ZNF804B: variants seen among roughly 807,000 people sequenced by gnomAD.
ZNF804B encodes the protein zinc finger 804B.
In ZNF804B, 80 loss-of-function variants were observed where a neutral mutation model predicts 101.4. That is an observed-to-expected ratio of 0.79 (90% CI 0.66 to 0.95). ZNF804B has a LOEUF of 0.95. Ranked by LOEUF, ZNF804B falls within the 40% of genes least tolerant of loss-of-function variation. The probability of loss-of-function intolerance (pLI) is 0.00; values close to 1 mark genes in which losing one functional copy is unlikely to be tolerated. For missense variants in ZNF804B, 1,673 were observed against 1,561.9 expected (o/e 1.07, Z -1.20); for synonymous variants, 622 against 558.8 (o/e 1.11, Z -1.59).
At chr7:89,198,058 A>G (rs893299933) in intron 1 of ZNF804B, among the ~76,000 whole-genome samples, 1 of 151,908 alleles carries the variant, frequency 6.6e-6, no homozygotes, top group South Asian at 2.1e-4. Flanking sequence ...AATGAACAAT[A>G]GGATTAGCAA....
intron 1 of ZNF804B, among the ~76,000 whole-genome samples, chr7:88,982,443 C>T (rs569936125): frequency 3.3e-5 from 5 of 152,012 alleles, no homozygotes; most frequent in African/African-American, 4.8e-5. Flanking sequence ...TTTATTTTCT[C>T]AATGCTTCTT....
intron 1 of ZNF804B, among the ~76,000 whole-genome samples, chr7:89,206,535 T>C (rs528988750): frequency 6.6e-6 from 1 of 152,244 alleles, no homozygotes; most frequent in African/African-American, 2.4e-5. Flanking sequence ...GTGGATCACC[T>C]GAGGTCAGGA....
intron 2 of ZNF804B, among the ~76,000 whole-genome samples, chr7:89,228,849 A>C (rs990779476): frequency 6.6e-6 from 1 of 152,110 alleles, no homozygotes; most frequent in Non-Finnish European, 1.5e-5. Flanking sequence ...CCGGCGGCAC[A>C]GGGGCGCACG....
At chr7:88,785,600 G>A (rs535306162) in intron 1 of ZNF804B, among the ~76,000 whole-genome samples, 26 of 151,966 alleles carry the variant, frequency 1.7e-4, no homozygotes, top group African/African-American at 5.8e-4. Context: ...TCTTTATTCC[G>A]CTTTAAATGT....
intron 2 of ZNF804B, among the ~76,000 whole-genome samples, chr7:89,253,779 G>A (rs1016608225): frequency 2.6e-5 from 4 of 151,900 alleles, no homozygotes; most frequent in African/African-American, 4.8e-5. Context: ...TAGTAAATAC[G>A]TTATTTGCAT....
chr7:89,070,927 G>A (rs1049629275), intron 1 of ZNF804B, among the ~76,000 whole-genome samples: 20 of 152,084 alleles, frequency 1.3e-4, no homozygotes, highest in African/African-American at 4.3e-4. Flanking sequence ...TCATCCCCCA[G>A]TATCAATGGA....
At chr7:89,155,497 T>A (rs1434996213) in intron 1 of ZNF804B, among the ~76,000 whole-genome samples, 1 of 152,156 alleles carries the variant, frequency 6.6e-6, no homozygotes. Flanking sequence ...AAACCTTATA[T>A]CCTCAGATCT....
intron 2 of ZNF804B, among the ~76,000 whole-genome samples, chr7:89,270,276 C>T (rs1475775555): frequency 6.6e-6 from 1 of 152,156 alleles, no homozygotes; most frequent in Non-Finnish European, 1.5e-5. Flanking sequence ...TTTCAGCTTC[C>T]TACATATGGC....
intron 2 of ZNF804B, among the ~76,000 whole-genome samples, chr7:89,267,931 C>T (rs1789825399): frequency 6.6e-6 from 1 of 152,036 alleles, no homozygotes; most frequent in Non-Finnish European, 1.5e-5. Flanking sequence ...ACAGATTGCA[C>T]TTTAGGATAA....
chr7:89,183,159 A>G (rs1474033579), intron 1 of ZNF804B, among the ~76,000 whole-genome samples: 1 of 152,158 alleles, frequency 6.6e-6, no homozygotes, highest in African/African-American at 2.4e-5. Context: ...TTCCTGGAAG[A>G]AGAGTTAGAA....
At chr7:88,903,781 G>C (rs868296449) in intron 1 of ZNF804B, among the ~76,000 whole-genome samples, 6 of 151,844 alleles carry the variant, frequency 4.0e-5, no homozygotes, top group Admixed American at 3.9e-4. Context: ...CATGCCCTTC[G>C]CCCTTTTTTA....
At chr7:88,865,313 C>A (rs1307805280) in intron 1 of ZNF804B, among the ~76,000 whole-genome samples, 1 of 151,580 alleles carries the variant, frequency 6.6e-6, no homozygotes, top group African/African-American at 2.4e-5. Flanking sequence ...AGGAGGATCA[C>A]TTGGGCCTAG....
intron 2 of ZNF804B, among the ~76,000 whole-genome samples, chr7:89,316,761 C>T (rs1292733542): frequency 6.6e-6 from 1 of 152,152 alleles, no homozygotes; most frequent in African/African-American, 2.4e-5. Flanking sequence ...TGCACTCATC[C>T]ACACAACCCA....
intron 2 of ZNF804B, among the ~76,000 whole-genome samples, chr7:89,289,255 A>T (rs1790251637): frequency 6.6e-6 from 1 of 152,142 alleles, no homozygotes; most frequent in Non-Finnish European, 1.5e-5. Flanking sequence ...CGTTAAATAT[A>T]ATGGAGGAGG....
chr7:89,094,273 T>G (rs1789938475), intron 1 of ZNF804B, among the ~76,000 whole-genome samples: 1 of 152,240 alleles, frequency 6.6e-6, no homozygotes, highest in Non-Finnish European at 1.5e-5. Flanking sequence ...ATTATCTCCC[T>G]TCTTCTGAAT....
chr7:89,276,372 A>G (rs149211904), intron 2 of ZNF804B, among the ~76,000 whole-genome samples: 58 of 152,010 alleles, frequency 3.8e-4, no homozygotes, highest in Middle Eastern at 3.4e-3. Flanking sequence ...GACCCCTTGG[A>G]TATACACACA....
chr7:89,195,600 GA>G (rs1274255140), intron 1 of ZNF804B, among the ~76,000 whole-genome samples: 1 of 149,810 alleles, frequency 6.7e-6, no homozygotes, highest in African/African-American at 2.5e-5. Context: ...TTGCTTCAAA[GA>G]GAATAAAATA....
intron 2 of ZNF804B, among the ~76,000 whole-genome samples, chr7:89,239,917 T>C (rs569433126): frequency 6.6e-6 from 1 of 151,924 alleles, no homozygotes; most frequent in South Asian, 2.1e-4. Context: ...TCTCTTATAA[T>C]TCAACTGAGT....
Position 89,334,836 on chromosome 7 carries a change from A to C in ZNF804B, c.1854A>C (p.Leu618=). The change falls in exon 4 of 4, where the codon CTA becomes CTC. Residue 618 remains leucine (L), a synonymous_variant. Coordinates refer to ENST00000333190, the MANE Select transcript of ZNF804B (RefSeq NM_181646.5). ...GGCAAGGCTGCAGAAAGGCAGTTCTAAATGATATAGATGAGGACCTATCTT... is the reference window on the plus strand; with the variant it reads ...GGCAAGGCTGCAGAAAGGCAGTTCTCAATGATATAGATGAGGACCTATCTT... ...AHWQGCRKAV[L]NDIDEDLSFP... The C allele has an allele frequency of 3.1e-6, 5 of 1,613,868 alleles. No homozygotes were observed. The highest frequency in any genetic ancestry group is 3.4e-6 in the Non-Finnish European group (4 of 1,179,882).
Sources: allele counts gnomAD v4.1 joint callset (sites outside exome capture counted in the v4.1 genomes callset), GRCh38; gene constraint gnomAD v4.1.1; transcripts MANE v1.5; gene names NCBI Gene and HGNC (gene_info 2026-07-23, HGNC 2026-07-21).